Variants in MAP2 observed in about 807,000 individuals in gnomAD.
MAP2 encodes microtubule-associated protein 2.
A neutral mutation model predicts 137.6 loss-of-function variants in MAP2; 14 were observed. The ratio of observed to expected loss-of-function variants is 0.10; its 90% confidence interval spans 0.07 to 0.16. MAP2 has a LOEUF of 0.16. Ranked by LOEUF, MAP2 falls within the 10% of genes least tolerant of loss-of-function variation. The pLI is 1.00. For synonymous variants in MAP2, 786 were observed against 782.3 expected (o/e 1.00, Z -0.08); for missense variants, 2,088 against 2,191.5 (o/e 0.95, Z 0.94).
intron 3 of MAP2, among the ~76,000 whole-genome samples, chr2:209,610,678 G>T (rs1454246139): frequency 6.6e-6 from 1 of 152,000 alleles, no homozygotes; most frequent in African/African-American, 2.4e-5. Flanking sequence ...ATTCTTTCCA[G>T]TTCTCCTACG....
At chr2:209,698,083 C>T (rs866262959) in intron 10 of MAP2, among the ~76,000 whole-genome samples, 3 of 151,724 alleles carry the variant, frequency 2.0e-5, no homozygotes, top group African/African-American at 4.8e-5. Flanking sequence ...CTCCTGACCT[C>T]GTGATCCACC....
chr2:209,550,866 G>C (rs1456550313), intron 2 of MAP2, among the ~76,000 whole-genome samples: 5 of 152,086 alleles, frequency 3.3e-5, no homozygotes, highest in Non-Finnish European at 7.4e-5. Flanking sequence ...TCAGATCTCA[G>C]TTTCTCCAAA....
In MAP2 at chr2:209,693,509, A is replaced by G. The variant is rs559128475; in HGVS notation, c.1339A>G (p.Lys447Glu). 8.3e-5 allele frequency: 134 copies of G among 1,610,884 alleles called. No homozygotes were observed. In the East Asian group the frequency reaches 2.7e-3, roughly 32 times the overall value. Residue 447 changes from lysine (K) to glutamate (E), a missense_variant, in exon 8 of 16, where the codon AAA becomes GAA. Lys to Glu is a moderately conservative substitution (Grantham distance 56, BLOSUM62 1). Transcript: ENST00000682079. The part of the protein sequence containing the change: ...EKETELKLEE[K>E]TTISDKEAVP... The stretch of plus-strand genomic sequence containing the variant: ...GGAAACTGAGCTGAAGCTTGAAGAA[A>G]AAACCACCATTTCTGACAAAGAAGC...
At chr2:209,578,355 G>T (rs911357278) in intron 2 of MAP2, among the ~76,000 whole-genome samples, 1 of 151,422 alleles carries the variant, frequency 6.6e-6, no homozygotes, top group African/African-American at 2.4e-5. Context: ...GGCTCAAGGA[G>T]AATGCAAATT....
chr2:209,570,636 T>C (rs1297000226), intron 2 of MAP2, among the ~76,000 whole-genome samples: 1 of 151,820 alleles, frequency 6.6e-6, no homozygotes, highest in Non-Finnish European at 1.5e-5. Context: ...ATAATGATGG[T>C]TTTTGTTTTT....
At chr2:209,466,721 A>G (rs1704210645) in intron 1 of MAP2, among the ~76,000 whole-genome samples, 1 of 152,206 alleles carries the variant, frequency 6.6e-6, no homozygotes, top group Non-Finnish European at 1.5e-5. Flanking sequence ...ACCCTTAAAG[A>G]TAGGGAAGGC....
intron 14 of MAP2, among the ~76,000 whole-genome samples, chr2:209,727,374 G>A (rs1389857719): frequency 1.3e-5 from 2 of 152,158 alleles, no homozygotes; most frequent in African/African-American, 2.4e-5. Context: ...AGAAAATGCT[G>A]GACTCTTCAA....
At chr2:209,466,234 G>A (rs1273352832) in intron 1 of MAP2, among the ~76,000 whole-genome samples, 1 of 152,024 alleles carries the variant, frequency 6.6e-6, no homozygotes, top group Non-Finnish European at 1.5e-5. Context: ...TAAGAAAATG[G>A]GATTTCTAGT....
At chr2:209,652,476 C>T (rs956152148) in intron 4 of MAP2, among the ~76,000 whole-genome samples, 1 of 151,424 alleles carries the variant, frequency 6.6e-6, no homozygotes. Context: ...ATCTTTCTTT[C>T]TTTTTTTTTA....
At chr2:209,590,347 T>G (rs2078918282) in intron 3 of MAP2, among the ~76,000 whole-genome samples, 1 of 152,320 alleles carries the variant, frequency 6.6e-6, no homozygotes, top group East Asian at 1.9e-4. Context: ...TAAGAATTTT[T>G]TTTTTGAGAT....
chr2:209,696,394 C>T, intron 8 of MAP2, 44 bp downstream of exon 8: 1 of 1,519,020 alleles, frequency 6.6e-7, no homozygotes, highest in Non-Finnish European at 8.8e-7. Context: ...ACACAATAAC[C>T]TTATGGGAAT....
intron 5 of MAP2, among the ~76,000 whole-genome samples, chr2:209,658,876 T>C (rs2042125037): frequency 6.6e-6 from 1 of 152,210 alleles, no homozygotes; most frequent in Non-Finnish European, 1.5e-5. Flanking sequence ...TGGAAATATA[T>C]ATAAAACTAC....
intron 5 of MAP2, among the ~76,000 whole-genome samples, chr2:209,663,952 C>A (rs1432619650): frequency 6.6e-6 from 1 of 152,116 alleles, no homozygotes; most frequent in Non-Finnish European, 1.5e-5. Flanking sequence ...AGGGTACCAC[C>A]CTACAGCAAA....
At chr2:209,475,152 C>T (rs1421924716) in intron 1 of MAP2, among the ~76,000 whole-genome samples, 1 of 151,972 alleles carries the variant, frequency 6.6e-6, no homozygotes, top group Non-Finnish European at 1.5e-5. Context: ...TAATTTGCTC[C>T]CGTCATGAAG....
intron 1 of MAP2, among the ~76,000 whole-genome samples, chr2:209,440,618 C>CA (rs942653734): frequency 7.3e-5 from 11 of 151,356 alleles, no homozygotes; most frequent in Non-Finnish European, 1.5e-4. Context: ...CCTGTTTGCT[C>CA]AAAAAAGACT....
intron 1 of MAP2, among the ~76,000 whole-genome samples, chr2:209,484,858 AT>A (rs1351710336): frequency 6.6e-6 from 1 of 152,192 alleles, no homozygotes; most frequent in African/African-American, 2.4e-5. Context: ...TATTTAAACT[AT>A]TGTCTATTGT....
At chr2:209,688,847 CA>C (rs1225164423) in intron 7 of MAP2, among the ~76,000 whole-genome samples, 2 of 152,172 alleles carry the variant, frequency 1.3e-5, no homozygotes, top group Admixed American at 1.3e-4. Context: ...AATAAGCTTA[CA>C]GCTCACCAAC....
At chr2:209,653,866 A>C (rs1248781307) in intron 5 of MAP2, among the ~76,000 whole-genome samples, 1 of 152,186 alleles carries the variant, frequency 6.6e-6, no homozygotes, top group East Asian at 1.9e-4. Context: ...TCCATCATTC[A>C]ACAAATTACA....
At chr2:209,496,943 C>G (rs2059817538) in intron 1 of MAP2, among the ~76,000 whole-genome samples, 1 of 143,238 alleles carries the variant, frequency 7.0e-6, no homozygotes, top group Admixed American at 7.4e-5. Flanking sequence ...CCATGCCTGG[C>G]TAATTTAAAA....
Sources: gnomAD v4.1 joint callset for allele counts (sites outside exome capture counted in the v4.1 genomes callset) on GRCh38, gnomAD v4.1.1 for gene constraint, MANE v1.5 for transcripts, NCBI Gene and HGNC (gene_info 2026-07-23, HGNC 2026-07-21) for gene names.